NDST3: variants seen among roughly 807,000 people sequenced by gnomAD.
The protein encoded by NDST3 is N-deacetylase and N-sulfotransferase 3.
In NDST3, 58 loss-of-function variants were observed where a neutral mutation model predicts 96.1. The ratio of observed to expected loss-of-function variants is 0.60; its 90% CI spans 0.49 to 0.75. The LOEUF (loss-of-function observed/expected upper bound fraction) is 0.75, where lower values mean the gene tolerates loss of function less well. Ranked by LOEUF, NDST3 falls within the 30% of genes least tolerant of loss-of-function variation. NDST3 has a pLI of 0.00. For synonymous variants in NDST3, 333 were observed against 359.7 expected (o/e 0.93, Z 0.84); for missense variants, 788 against 1,034.2 (o/e 0.76, Z 3.27).
intron 4 of NDST3, among the ~76,000 whole-genome samples, chr4:118,130,066 CTA>C (rs1332805657): frequency 4.6e-5 from 7 of 151,978 alleles, no homozygotes; most frequent in African/African-American, 1.2e-4. Flanking sequence ...TATTTTCAGT[CTA>C]TGTGTATCTT....
intron 2 of NDST3, among the ~76,000 whole-genome samples, chr4:118,092,451 C>T (rs1218306347): frequency 1.3e-5 from 2 of 151,682 alleles, no homozygotes; most frequent in African/African-American, 4.8e-5. Context: ...GATAGCAGGC[C>T]GTTTCTGATT....
At chr4:118,086,486 C>T (rs534862869) in intron 2 of NDST3, among the ~76,000 whole-genome samples, 2 of 152,198 alleles carry the variant, frequency 1.3e-5, no homozygotes, top group South Asian at 4.2e-4. Flanking sequence ...CTGACACCTT[C>T]TTCCTGATTG....
At chr4:118,193,941 A>G in intron 6 of NDST3, 1 of 943,282 alleles carries the variant, frequency 1.1e-6, no homozygotes, top group African/African-American at 1.6e-5. Flanking sequence ...CCTTCCTTGA[A>G]GTACACAGTG....
At chr4:118,105,980 G>A (rs1177639166) in intron 3 of NDST3, among the ~76,000 whole-genome samples, 1 of 152,112 alleles carries the variant, frequency 6.6e-6, no homozygotes, top group African/African-American at 2.4e-5. Flanking sequence ...GATATTGTTT[G>A]TCTTTTTAAT....
chr4:118,143,641 G>C lies in NDST3; in HGVS notation c.1496G>C (p.Ser499Thr). The change falls in exon 6 of 14, where the codon AGT (serine) becomes ACT (threonine). Residue 499 changes from serine to threonine, a missense_variant. Ser to Thr is a moderately conservative substitution (Grantham distance 58, BLOSUM62 1). This residue lies in a region of NDST3 where 490 missense variants were observed against 708.8 expected (regional missense o/e 0.69). Coordinates refer to ENST00000296499, the MANE Select transcript of NDST3 (RefSeq NM_004784.3). The stretch of plus-strand genomic sequence containing the variant: ...GGGGGTCCTAAAGAGCTGGATAAGA[G>C]TATCCAAGGAGGAGAACTTTTCTTC... ...YPGGPKELDK[S>T]IQGGELFFTV... is the part of the protein sequence containing the mutation. 1 of 1,607,842 alleles carries C rather than the reference G, an allele frequency of 6.2e-7. No individual in the cohort carries two copies. The highest frequency in any genetic ancestry group is 8.5e-7 in the Non-Finnish European group (1 of 1,177,994).
intron 2 of NDST3, among the ~76,000 whole-genome samples, chr4:118,093,146 T>C (rs116008772): frequency 0.015 from 2,305 of 151,994 alleles, 20 homozygotes; most frequent in Non-Finnish European, 0.023. Flanking sequence ...GCTTGACTCA[T>C]CTATAATTCA....
intron 8 of NDST3, among the ~76,000 whole-genome samples, chr4:118,229,495 G>A (rs1424512573): frequency 6.6e-6 from 1 of 152,094 alleles, no homozygotes; most frequent in Non-Finnish European, 1.5e-5. Context: ...TCAGACCCAA[G>A]AATATGTACA....
intron 6 of NDST3, among the ~76,000 whole-genome samples, chr4:118,224,202 T>G (rs1253160211): frequency 2.0e-5 from 3 of 152,142 alleles, no homozygotes; most frequent in Non-Finnish European, 4.4e-5. Flanking sequence ...GCATCAGTCT[T>G]ATTGCACCAA....
chr4:118,184,548 T>C (rs1418968532), intron 6 of NDST3, among the ~76,000 whole-genome samples: 13 of 151,806 alleles, frequency 8.6e-5, no homozygotes, highest in African/African-American at 2.9e-4. Context: ...AATAAATCTC[T>C]GTCTGTCTGT....
intron 2 of NDST3, among the ~76,000 whole-genome samples, chr4:118,085,315 A>G (rs1728337017): frequency 6.6e-6 from 1 of 152,206 alleles, no homozygotes; most frequent in Non-Finnish European, 1.5e-5. Context: ...TTAAAATAAA[A>G]TAAAATAAAT....
intron 6 of NDST3, among the ~76,000 whole-genome samples, chr4:118,171,938 T>C (rs1056401203): frequency 2.6e-5 from 4 of 152,158 alleles, no homozygotes; most frequent in Admixed American, 6.5e-5. Flanking sequence ...AGGAGGAACA[T>C]ACACACCTCA....
At chr4:118,181,815 G>C (rs1258728165) in intron 6 of NDST3, among the ~76,000 whole-genome samples, 1 of 152,050 alleles carries the variant, frequency 6.6e-6, no homozygotes, top group Non-Finnish European at 1.5e-5. Context: ...GCAGTTTTAG[G>C]TATATTTAGT....
intron 6 of NDST3, among the ~76,000 whole-genome samples, chr4:118,201,189 T>C (rs1738061823): frequency 1.3e-5 from 2 of 152,258 alleles, no homozygotes; most frequent in Admixed American, 6.5e-5. Flanking sequence ...CCACCACTGA[T>C]GGGCAGCTAG....
chr4:118,047,709 A>C (rs1724849497), intron 1 of NDST3, among the ~76,000 whole-genome samples: 1 of 152,232 alleles, frequency 6.6e-6, no homozygotes, highest in African/African-American at 2.4e-5. Flanking sequence ...AAGAAAAATA[A>C]TTGTTAGAAA....
chr4:118,243,609 C>T (rs1479481689), intron 12 of NDST3, among the ~76,000 whole-genome samples: 2 of 152,152 alleles, frequency 1.3e-5, no homozygotes, highest in Non-Finnish European at 2.9e-5. Flanking sequence ...AGACCATTTT[C>T]TGTTCTGTAT....
chr4:118,112,483 C>T (rs1486346552), intron 3 of NDST3, among the ~76,000 whole-genome samples: 2 of 152,116 alleles, frequency 1.3e-5, no homozygotes, highest in Non-Finnish European at 2.9e-5. Flanking sequence ...TGGGAAACTC[C>T]AAGAGACTCT....
At chr4:118,159,307 T>C (rs72674177) in intron 6 of NDST3, among the ~76,000 whole-genome samples, 191 of 152,264 alleles carry the variant, frequency 1.3e-3, no homozygotes, top group Non-Finnish European at 2.5e-3. Flanking sequence ...GAAGGAGTAA[T>C]AGATTACAAG....
chr4:118,120,057 A>C (rs984447649), intron 4 of NDST3, among the ~76,000 whole-genome samples: 1 of 152,192 alleles, frequency 6.6e-6, no homozygotes, highest in East Asian at 1.9e-4. Context: ...TCCAATCTAG[A>C]TAAGTTATGT....
intron 8 of NDST3, among the ~76,000 whole-genome samples, chr4:118,229,930 T>C (rs1344932528): frequency 2.0e-5 from 3 of 152,214 alleles, no homozygotes; most frequent in Non-Finnish European, 4.4e-5. Context: ...CTTTTAAATA[T>C]TGAGATATGG....
Sources: gnomAD v4.1 joint callset for allele counts (sites outside exome capture counted in the v4.1 genomes callset) on GRCh38, gnomAD v4.1.1 for gene constraint, gnomAD v4.1.1 regional missense constraint, MANE v1.5 for transcripts, NCBI Gene and HGNC (gene_info 2026-07-23, HGNC 2026-07-21) for gene names.